NRG3: variants seen among roughly 807,000 people sequenced by gnomAD.
NRG3 encodes neuregulin 3.
In NRG3, 31 loss-of-function variants were observed where a neutral mutation model predicts 66.9. The observed-to-expected ratio is 0.46, with a 90% CI of 0.35 to 0.63. The LOEUF (loss-of-function observed/expected upper bound fraction) is 0.63, where lower values mean the gene tolerates loss of function less well. Ranked by LOEUF, NRG3 falls within the 20% of genes least tolerant of loss-of-function variation. The probability of loss-of-function intolerance (pLI) is 0.00; values close to 1 mark genes in which losing one functional copy is unlikely to be tolerated. For synonymous variants in NRG3, 393 were observed against 359.4 expected (o/e 1.09, Z -1.06); for missense variants, 910 against 878.9 (o/e 1.04, Z -0.45).
At chr10:82,236,917 G>T (rs1047134770) in intron 1 of NRG3, among the ~76,000 whole-genome samples, 1 of 151,824 alleles carries the variant, frequency 6.6e-6, no homozygotes, top group Non-Finnish European at 1.5e-5. Context: ...GGGTTTCACC[G>T]TGTTAGCCAG....
chr10:82,683,854 C>T (rs2054299350), intron 2 of NRG3, among the ~76,000 whole-genome samples: 1 of 152,152 alleles, frequency 6.6e-6, no homozygotes. Flanking sequence ...AACTTTCTTA[C>T]TTGCATTATT....
At chr10:82,548,455 C>A (rs967532346) in intron 2 of NRG3, among the ~76,000 whole-genome samples, 2 of 151,674 alleles carry the variant, frequency 1.3e-5, no homozygotes, top group Admixed American at 1.3e-4. Flanking sequence ...ATAATCATGG[C>A]CTTGTTACCT....
intron 4 of NRG3, among the ~76,000 whole-genome samples, chr10:82,921,170 A>G (rs1846386122): frequency 6.6e-6 from 1 of 152,100 alleles, no homozygotes; most frequent in Non-Finnish European, 1.5e-5. Context: ...TTATAATAGC[A>G]CTCTATTTCT....
At chr10:82,200,281 ATACT>A (rs1419896746) in intron 1 of NRG3, among the ~76,000 whole-genome samples, 1 of 152,146 alleles carries the variant, frequency 6.6e-6, no homozygotes, top group African/African-American at 2.4e-5. Context: ...TGGTTCAGTA[ATACT>A]TACTGACTCC....
At chr10:81,933,550 T>C (rs1160132297) in intron 1 of NRG3, among the ~76,000 whole-genome samples, 1 of 152,198 alleles carries the variant, frequency 6.6e-6, no homozygotes, top group African/African-American at 2.4e-5. Flanking sequence ...CATTTAGCAT[T>C]AGGTATATCA....
intron 1 of NRG3, among the ~76,000 whole-genome samples, chr10:82,309,174 T>C (rs570834657): frequency 1.3e-5 from 2 of 152,310 alleles, no homozygotes; most frequent in South Asian, 4.1e-4. Context: ...AGAGAAGCTT[T>C]CGGGACTGAA....
intron 1 of NRG3, among the ~76,000 whole-genome samples, chr10:82,330,711 G>A (rs2082100675): frequency 6.6e-6 from 1 of 152,232 alleles, no homozygotes; most frequent in South Asian, 2.1e-4. Context: ...GTAAGTACAA[G>A]TTTGTCCACC....
chr10:82,315,301 G>A (rs915807010), intron 1 of NRG3, among the ~76,000 whole-genome samples: 3 of 152,156 alleles, frequency 2.0e-5, no homozygotes, highest in Non-Finnish European at 4.4e-5. Context: ...GGAGCCTGAG[G>A]CACACTGTTC....
chr10:82,303,197 G>A (rs1390187311), intron 1 of NRG3, among the ~76,000 whole-genome samples: 1 of 152,056 alleles, frequency 6.6e-6, no homozygotes, highest in Non-Finnish European at 1.5e-5. Context: ...CAAAGCCTGG[G>A]TTTTATTAAA....
At chr10:82,038,196 T>C (rs142173043) in intron 1 of NRG3, among the ~76,000 whole-genome samples, 439 of 152,314 alleles carry the variant, frequency 2.9e-3, no homozygotes, top group African/African-American at 9.8e-3. Context: ...TCTGAATTAC[T>C]TACATTTGTA....
At chr10:82,874,930 C>T (rs1467371104) in intron 4 of NRG3, among the ~76,000 whole-genome samples, 1 of 152,092 alleles carries the variant, frequency 6.6e-6, no homozygotes, top group Non-Finnish European at 1.5e-5. Flanking sequence ...TTTCTGAATC[C>T]CTTCATGTCA....
intron 2 of NRG3, among the ~76,000 whole-genome samples, chr10:82,622,523 G>A (rs766626506): frequency 3.3e-5 from 5 of 152,040 alleles, no homozygotes; most frequent in African/African-American, 7.2e-5. Flanking sequence ...AACTTATGAC[G>A]GTTTGACTTA....
chr10:82,469,741 G>A (rs1039552990), intron 2 of NRG3, among the ~76,000 whole-genome samples: 4 of 152,204 alleles, frequency 2.6e-5, no homozygotes, highest in African/African-American at 9.6e-5. Flanking sequence ...TGGGCATGCA[G>A]ACATGAGCTC....
At chr10:82,899,955 T>G (rs1844049339) in intron 4 of NRG3, among the ~76,000 whole-genome samples, 1 of 152,146 alleles carries the variant, frequency 6.6e-6, no homozygotes, top group Non-Finnish European at 1.5e-5. Context: ...ACTTCGTAAT[T>G]TATAAAGAAA....
chr10:82,554,216 C>A (rs72829337), intron 2 of NRG3, among the ~76,000 whole-genome samples: 19,609 of 152,054 alleles, frequency 0.13, 1,418 homozygotes, highest in Admixed American at 0.21. Flanking sequence ...CTAGCCCCAG[C>A]ACAGTAGGGT....
In NRG3 at chr10:82,386,097, T is replaced by C. The variant is rs373763067; in HGVS notation, c.953+27229T>C. ...TAAATTTTTATATAGTTTAAGCACA[T>C]TTGTTTACTTTTATTCCTCATTATT... On this transcript the variant is annotated intron_variant, in intron 2 of 8. Transcript: ENST00000372141. Among the ~76,000 whole-genome samples the C allele has an allele frequency of 1.1e-4, 16 of 152,290 alleles. 1 individual carries two copies. The East Asian group carries it at 1.2e-3, about 11-fold the overall frequency.
intron 3 of NRG3, among the ~76,000 whole-genome samples, chr10:82,743,951 CAA>C (rs1316900256): frequency 1.3e-5 from 2 of 152,152 alleles, no homozygotes; most frequent in Non-Finnish European, 2.9e-5. Flanking sequence ...AATTGGAAGT[CAA>C]AGGGTTTTGT....
chr10:82,059,407 A>T (rs2133216850), intron 1 of NRG3, among the ~76,000 whole-genome samples: 1 of 152,318 alleles, frequency 6.6e-6, no homozygotes, highest in Middle Eastern at 3.4e-3. Flanking sequence ...AATGACTAAG[A>T]TAGCAAGGAT....
chr10:82,418,143 A>T (rs2088719799), intron 2 of NRG3, among the ~76,000 whole-genome samples: 1 of 152,218 alleles, frequency 6.6e-6, no homozygotes. Context: ...AATAACTGTC[A>T]GCTCCTATAG....
Sources: allele counts gnomAD v4.1 joint callset (sites outside exome capture counted in the v4.1 genomes callset), GRCh38; gene constraint gnomAD v4.1.1; transcripts MANE v1.5; gene names NCBI Gene and HGNC (gene_info 2026-07-23, HGNC 2026-07-21).